Variants in BAALC observed in about 807,000 individuals in gnomAD.
BAALC encodes the protein BAALC binder of MAP3K1 and KLF4, also known as brain and acute leukemia cytoplasmic protein.
BAALC carries 9 observed loss-of-function variants against 15.5 expected under a neutral mutation model. The observed-to-expected ratio is 0.58, with a 90% CI of 0.35 to 1.02. The LOEUF (loss-of-function observed/expected upper bound fraction) is 1.02, where lower values mean the gene tolerates loss of function less well. Among genes scored for constraint, BAALC ranks in the 50% least tolerant of loss-of-function variants. BAALC has a pLI of 0.02. For missense variants in BAALC, 201 were observed against 192.4 expected, an observed-to-expected ratio of 1.04 and a Z score of -0.27; for synonymous variants, 80 against 74.6, an observed-to-expected ratio of 1.07 and a Z score of -0.37.
At chr8:103,184,861 C>T (rs1023050716) in intron 1 of BAALC, among the ~76,000 whole-genome samples, 10 of 152,158 alleles carry the variant, frequency 6.6e-5, no homozygotes, top group African/African-American at 2.4e-4. Flanking sequence ...TGGACTAAAC[C>T]GCAGAGAGCT....
intron 1 of BAALC, among the ~76,000 whole-genome samples, chr8:103,150,559 G>A (rs1482037207): frequency 6.6e-6 from 1 of 152,132 alleles, no homozygotes; most frequent in East Asian, 1.9e-4. Flanking sequence ...TGGCTTCTGT[G>A]TAATGAAGCA....
In BAALC at chr8:103,230,230, T is replaced by C. The variant is rs866890605; in HGVS notation, c.*2131T>C. ...TTTCATGTATGTATGAGACAGAAACTAATCCTTACTATCCTATTAGGATAC... is the reference window on the plus strand; with the variant it reads ...TTTCATGTATGTATGAGACAGAAACCAATCCTTACTATCCTATTAGGATAC... On this transcript the variant is annotated 3_prime_UTR_variant, in exon 3 of 3. Coordinates refer to ENST00000309982, the MANE Select transcript of BAALC (RefSeq NM_024812.3). 3 of 152,330 alleles carry C rather than the reference T, an allele frequency of 2.0e-5. No homozygotes were observed. Among genetic ancestry groups the C allele is most frequent in the Middle Eastern group, 3.4e-3 (1 of 294 alleles). The allele number at this position is 152,330 out of a possible 1,614,324, so 9.4% of individuals were successfully genotyped here.
At chr8:103,169,985 C>T (rs1052887321) in intron 1 of BAALC, among the ~76,000 whole-genome samples, 62 of 152,216 alleles carry the variant, frequency 4.1e-4, no homozygotes, top group African/African-American at 1.3e-3. Context: ...ATAAAAAACA[C>T]GTTGTACTCA....
At chr8:103,217,921 G>A (rs916438765) in intron 2 of BAALC, among the ~76,000 whole-genome samples, 1 of 152,200 alleles carries the variant, frequency 6.6e-6, no homozygotes, top group Non-Finnish European at 1.5e-5. Context: ...CTCTGAAGCA[G>A]CTGCTAGTTT....
intron 1 of BAALC, among the ~76,000 whole-genome samples, chr8:103,157,840 G>T (rs62527633): frequency 0.04 from 6,144 of 152,148 alleles, 140 homozygotes; most frequent in South Asian, 0.054. Context: ...AAAGATATTG[G>T]ATTGGACTAT....
intron 2 of BAALC, 101 bp from the exon 3 acceptor site, chr8:103,227,888 A>G: frequency 1.3e-6 from 1 of 762,200 alleles, no homozygotes. Context: ...CACATTCTCA[A>G]CTATGGCACA....
chr8:103,167,323 G>A (rs1325075554), intron 1 of BAALC, among the ~76,000 whole-genome samples: 1 of 152,146 alleles, frequency 6.6e-6, no homozygotes, highest in Non-Finnish European at 1.5e-5. Context: ...GAGTCCTTGT[G>A]GAGTTTGCAG....
intron 1 of BAALC, among the ~76,000 whole-genome samples, chr8:103,180,885 C>T (rs1235376313): frequency 1.3e-5 from 2 of 152,188 alleles, no homozygotes; most frequent in Non-Finnish European, 2.9e-5. Flanking sequence ...TATGTAATGG[C>T]TTTTCTTTTG....
intron 1 of BAALC, chr8:103,208,581 C>T (rs1812380677): frequency 6.6e-6 from 1 of 152,190 alleles, no homozygotes; most frequent in Admixed American, 6.5e-5. Flanking sequence ...CACAAGGGGC[C>T]CTGCGCTTAG....
At chr8:103,182,870 T>C (rs185812377) in intron 1 of BAALC, among the ~76,000 whole-genome samples, 132 of 152,228 alleles carry the variant, frequency 8.7e-4, no homozygotes, top group African/African-American at 2.9e-3. Context: ...GTGAGCTAAC[T>C]CCATAGCACA....
chr8:103,173,110 G>A (rs1811535046), intron 1 of BAALC, among the ~76,000 whole-genome samples: 1 of 152,086 alleles, frequency 6.6e-6, no homozygotes, highest in Non-Finnish European at 1.5e-5. Context: ...GGCACGGTGG[G>A]CCATCATTTG....
chr8:103,229,227 G>GGAA lies in BAALC; in HGVS notation c.*1130_*1132dup, dbSNP rs557322955. 1 of 152,174 alleles carries GGAA rather than the reference G, an allele frequency of 6.6e-6. No homozygotes were observed. Among genetic ancestry groups the GGAA allele is most frequent in the Non-Finnish European group, 1.5e-5 (1 of 68,032 alleles). The allele number at this position is 152,174 out of a possible 1,614,324, so 9.4% of individuals were successfully genotyped here. On this transcript the variant is annotated 3_prime_UTR_variant, in exon 3 of 3. Transcript: ENST00000309982. ...AGTATGTCTTGAAACATGTTCATCT[G>GGAA]GAAGTATTTTCCTCCAAAGTAATGT... is the stretch of plus-strand genomic sequence containing the variant.
chr8:103,222,439 A>G (rs961851216), intron 2 of BAALC, among the ~76,000 whole-genome samples: 3 of 152,246 alleles, frequency 2.0e-5, no homozygotes, highest in Admixed American at 6.5e-5. Context: ...CACAATATAC[A>G]GGGTCAAACA....
At chr8:103,225,389 C>T (rs766039787) in intron 2 of BAALC, among the ~76,000 whole-genome samples, 1 of 152,116 alleles carries the variant, frequency 6.6e-6, no homozygotes, top group African/African-American at 2.4e-5. Context: ...CTCAAATCAC[C>T]CATAAAGTAT....
chr8:103,157,710 G>T (rs1811128789), intron 1 of BAALC, among the ~76,000 whole-genome samples: 2 of 152,160 alleles, frequency 1.3e-5, no homozygotes, highest in South Asian at 2.1e-4. Context: ...AGCTATTCTG[G>T]AGGCTAAGCC....
chr8:103,142,434 A>G (rs573417475), intron 1 of BAALC, among the ~76,000 whole-genome samples: 4 of 152,354 alleles, frequency 2.6e-5, no homozygotes, highest in Admixed American at 2.6e-4. Context: ...AAGTCACCAA[A>G]TGGTGTGTTG....
intron 1 of BAALC, among the ~76,000 whole-genome samples, chr8:103,168,037 G>T (rs1811387600): frequency 6.6e-6 from 1 of 152,102 alleles, no homozygotes; most frequent in South Asian, 2.1e-4. Context: ...TTAACTAGTT[G>T]TGTAAACTAG....
Position 103,198,712 on chromosome 8 carries a change from G to A in BAALC, c.161-14207G>A, listed in dbSNP as rs149545910. 1.4e-4 allele frequency among the ~76,000 whole-genome samples: 21 copies of A among 152,040 alleles called. No homozygotes were observed. In the East Asian group the frequency reaches 2.5e-3, roughly 18 times the overall value. ...TGAGGTCAGGAGTTTCAGACCAGCC[G>A]GGGCAACATGGTGAAACCCTGTCTG... On this transcript the variant is annotated intron_variant, in intron 1 of 2. Coordinates refer to ENST00000309982, the MANE Select transcript of BAALC (RefSeq NM_024812.3).
chr8:103,187,526 A>T (rs1811867963), intron 1 of BAALC, among the ~76,000 whole-genome samples: 1 of 151,926 alleles, frequency 6.6e-6, no homozygotes, highest in Admixed American at 6.6e-5. Flanking sequence ...AGGAGAGGAG[A>T]CTCTCATCCC....
Sources: gnomAD v4.1 joint callset for allele counts (sites outside exome capture counted in the v4.1 genomes callset) on GRCh38, gnomAD v4.1.1 for gene constraint, MANE v1.5 for transcripts, NCBI Gene and HGNC (gene_info 2026-07-23, HGNC 2026-07-21) for gene names.